ASAP1: variants seen among roughly 807,000 people sequenced by gnomAD.
ASAP1 encodes the protein ArfGAP with SH3 domain, ankyrin repeat and PH domain 1, also known as arf-GAP with SH3 domain, ANK repeat and PH domain-containing protein 1.
ASAP1 carries 43 observed loss-of-function variants against 145.2 expected under a neutral mutation model. The observed-to-expected ratio is 0.30, with a 90% CI of 0.23 to 0.38. The LOEUF (loss-of-function observed/expected upper bound fraction) is 0.38. Among genes scored for constraint, ASAP1 ranks in the 10% least tolerant of loss-of-function variants. The pLI, the probability that ASAP1 is intolerant of heterozygous loss-of-function variation, is 1.00. For missense variants in ASAP1, 1,018 were observed against 1,355.3 expected (o/e 0.75, Z 3.91); for synonymous variants, 546 against 515.5 (o/e 1.06, Z -0.80).
At chr8:130,194,792 G>GT (rs1815369437) in intron 5 of ASAP1, among the ~76,000 whole-genome samples, 1 of 152,050 alleles carries the variant, frequency 6.6e-6, no homozygotes, top group Non-Finnish European at 1.5e-5. Flanking sequence ...GAGCTCAGGA[G>GT]GTAATGCTTG....
At chr8:130,099,761 C>A (rs1262627985) in intron 24 of ASAP1, among the ~76,000 whole-genome samples, 1 of 147,288 alleles carries the variant, frequency 6.8e-6, no homozygotes, top group African/African-American at 2.5e-5. Context: ...CAGCTCACTG[C>A]AACCTGACCT....
chr8:130,436,606 T>C (rs1458545562), intron 1 of ASAP1, among the ~76,000 whole-genome samples: 1 of 152,202 alleles, frequency 6.6e-6, no homozygotes, highest in African/African-American at 2.4e-5. Flanking sequence ...CCAGTGCACC[T>C]GGCCATTGAA....
intron 3 of ASAP1, among the ~76,000 whole-genome samples, chr8:130,313,286 A>G (rs2137565080): frequency 6.6e-6 from 1 of 152,226 alleles, no homozygotes; most frequent in African/African-American, 2.4e-5. Flanking sequence ...CCTTCAACAA[A>G]ATAAAATAAC....
chr8:130,211,043 A>T (rs995879311), intron 5 of ASAP1, among the ~76,000 whole-genome samples: 20 of 152,210 alleles, frequency 1.3e-4, no homozygotes, highest in African/African-American at 4.8e-4. Flanking sequence ...AAGGCTATAA[A>T]GCTGGTGAGG....
chr8:130,438,058 G>C (rs1461343785), intron 1 of ASAP1, among the ~76,000 whole-genome samples: 1 of 152,190 alleles, frequency 6.6e-6, no homozygotes, highest in African/African-American at 2.4e-5. Context: ...GGTGACCCCA[G>C]GCAGCAGACG....
intron 13 of ASAP1, among the ~76,000 whole-genome samples, chr8:130,138,778 C>A (rs924776750): frequency 2.0e-5 from 3 of 148,006 alleles, no homozygotes; most frequent in Non-Finnish European, 4.5e-5. Flanking sequence ...GGAGGTTGCA[C>A]TGAGCCGAGA....
At chr8:130,092,467 A>G (rs1167431877) in intron 24 of ASAP1, among the ~76,000 whole-genome samples, 1 of 152,154 alleles carries the variant, frequency 6.6e-6, no homozygotes. Flanking sequence ...TCTCTATAAA[A>G]ATTTAAAAAA....
intron 1 of ASAP1, among the ~76,000 whole-genome samples, chr8:130,412,211 G>C (rs1401955363): frequency 6.6e-6 from 1 of 152,154 alleles, no homozygotes; most frequent in African/African-American, 2.4e-5. Context: ...GTTTGGATCT[G>C]TGTCCCAGTG....
At chr8:130,076,297 G>T in intron 27 of ASAP1, 51 bp downstream of exon 27, 1 of 1,407,652 alleles carries the variant, frequency 7.1e-7, no homozygotes, top group Non-Finnish European at 9.9e-7. Flanking sequence ...GCCCCTTGGA[G>T]GGGGTAGTGA....
At position 130,088,834 on chromosome 8, in the gene ASAP1, T is replaced by C. The variant is rs187735191; in HGVS notation, c.2572+3139A>G. ...TTTGGTTGCTTTTTATGTGTTCTTC[T>C]CATTTAATCTTCATAACTCCATATG... On this transcript the variant is annotated intron_variant, in intron 25 of 29. Coordinates refer to ENST00000518721, the MANE Select transcript of ASAP1 (RefSeq NM_018482.4). Among the ~76,000 whole-genome samples the C allele has an allele frequency of 1.8e-4, 28 of 152,336 alleles. No individual in the cohort carries two copies. In the East Asian group the frequency reaches 4.8e-3, roughly 26 times the overall value.
At chr8:130,254,224 G>T (rs1220021544) in intron 3 of ASAP1, among the ~76,000 whole-genome samples, 1 of 152,150 alleles carries the variant, frequency 6.6e-6, no homozygotes. Context: ...CACTGCCAAG[G>T]ATTCCAGTGG....
intron 12 of ASAP1, among the ~76,000 whole-genome samples, chr8:130,153,953 G>A (rs1261944894): frequency 6.6e-6 from 1 of 152,140 alleles, no homozygotes; most frequent in Non-Finnish European, 1.5e-5. Context: ...CAGCACTCTG[G>A]GAGGCTGAGG....
chr8:130,122,079 G>A (rs2097567163), intron 18 of ASAP1, among the ~76,000 whole-genome samples: 1 of 152,062 alleles, frequency 6.6e-6, no homozygotes, highest in Admixed American at 6.6e-5. Flanking sequence ...CCCCCAGGGA[G>A]GGTGCCTTCA....
At chr8:130,258,816 T>C (rs756147945) in intron 3 of ASAP1, among the ~76,000 whole-genome samples, 2 of 152,210 alleles carry the variant, frequency 1.3e-5, no homozygotes, top group Non-Finnish European at 2.9e-5. Flanking sequence ...AGTAAATAGA[T>C]AACATACGTG....
intron 26 of ASAP1, among the ~76,000 whole-genome samples, chr8:130,077,267 G>A (rs1268509962): frequency 6.6e-6 from 1 of 152,204 alleles, no homozygotes; most frequent in African/African-American, 2.4e-5. Flanking sequence ...CAAGTCCCTG[G>A]AATACAGGTC....
chr8:130,156,368 C>G (rs183053301), intron 12 of ASAP1, among the ~76,000 whole-genome samples: 80 of 152,362 alleles, frequency 5.3e-4, no homozygotes, highest in African/African-American at 1.6e-3. Context: ...GTGGAACCAC[C>G]TGACTTCCAA....
At chr8:130,401,441 C>T (rs1482328146) in intron 2 of ASAP1, among the ~76,000 whole-genome samples, 3 of 152,044 alleles carry the variant, frequency 2.0e-5, no homozygotes, top group South Asian at 2.1e-4. Flanking sequence ...GACAAGGTTT[C>T]GCCATGTTGG....
intron 3 of ASAP1, among the ~76,000 whole-genome samples, chr8:130,259,200 G>C (rs1439946909): frequency 6.6e-6 from 1 of 152,134 alleles, no homozygotes; most frequent in Non-Finnish European, 1.5e-5. Flanking sequence ...TTCTTCCTCT[G>C]TGCTTTGGGA....
chr8:130,363,841 T>C (rs1446012744), intron 2 of ASAP1, among the ~76,000 whole-genome samples: 1 of 152,176 alleles, frequency 6.6e-6, no homozygotes, highest in Non-Finnish European at 1.5e-5. Context: ...AAAGGAAGTA[T>C]CTGTATTTCA....
Sources: gnomAD v4.1 joint callset for allele counts (sites outside exome capture counted in the v4.1 genomes callset) on GRCh38, gnomAD v4.1.1 for gene constraint, MANE v1.5 for transcripts, NCBI Gene and HGNC (gene_info 2026-07-23, HGNC 2026-07-21) for gene names.